Variants in WNK1 observed in about 807,000 individuals in gnomAD.
The protein encoded by WNK1 is serine/threonine-protein kinase WNK1.
Under a neutral mutation model 222.8 loss-of-function variants are expected in WNK1, and 38 were observed. That is an observed-to-expected ratio of 0.17 (90% confidence interval 0.13 to 0.22). The LOEUF (loss-of-function observed/expected upper bound fraction) is 0.22. Ranked by LOEUF, WNK1 falls within the 10% of genes least tolerant of loss-of-function variation. WNK1 has a pLI of 1.00. For missense variants in WNK1, 2,348 were observed against 2,918.4 expected, an observed-to-expected ratio of 0.80 and a Z score of 4.50; for synonymous variants, 1,090 against 1,092.9, an observed-to-expected ratio of 1.00 and a Z score of 0.05.
chr12:854,302 C>G (rs1950611046), intron 4 of WNK1, among the ~76,000 whole-genome samples: 1 of 148,836 alleles, frequency 6.7e-6, no homozygotes, highest in African/African-American at 2.5e-5. Flanking sequence ...CAGTAAGCCA[C>G]AATCCCACCA....
intron 1 of WNK1, among the ~76,000 whole-genome samples, chr12:773,258 CAAAAAA>C (rs911693561): frequency 1.4e-5 from 2 of 140,286 alleles, no homozygotes; most frequent in African/African-American, 5.2e-5. Flanking sequence ...AACTCCATCT[CAAAAAA>C]AAAAAAGTTC....
chr12:802,050 T>C (rs1439417511), intron 1 of WNK1, among the ~76,000 whole-genome samples: 2 of 151,954 alleles, frequency 1.3e-5, no homozygotes, highest in African/African-American at 4.8e-5. Context: ...AAAATTAGGG[T>C]GATGGGGAAG....
At chr12:837,189 G>A (rs1949251238) in intron 4 of WNK1, among the ~76,000 whole-genome samples, 1 of 152,230 alleles carries the variant, frequency 6.6e-6, no homozygotes, top group African/African-American at 2.4e-5. Context: ...GTGACATACA[G>A]AAACCAGATG....
chr12:833,066 C>T (rs950614165), intron 4 of WNK1, among the ~76,000 whole-genome samples: 1 of 150,928 alleles, frequency 6.6e-6, no homozygotes, highest in African/African-American at 2.4e-5. Context: ...GTAATTTCCT[C>T]CTTTATTTTG....
chr12:830,928 T>C (rs187172908), intron 4 of WNK1, among the ~76,000 whole-genome samples: 1 of 152,372 alleles, frequency 6.6e-6, no homozygotes, highest in Non-Finnish European at 1.5e-5. Flanking sequence ...TTTATTGTTG[T>C]AGTTCTTAAT....
At chr12:838,542 G>A (rs1293476885) in intron 4 of WNK1, among the ~76,000 whole-genome samples, 2 of 152,098 alleles carry the variant, frequency 1.3e-5, no homozygotes. Flanking sequence ...AGCCTCCTGA[G>A]TATCTGGGAC....
At position 771,287 on chromosome 12, in the gene WNK1, A is replaced by G. The variant is rs533792390; in HGVS notation, c.759+16963A>G. Among the ~76,000 whole-genome samples, 60 of 151,722 alleles carry G rather than the reference A, an allele frequency of 4.0e-4. 1 individual carries two copies. The highest frequency in any genetic ancestry group is 1.3e-3 in the African/African-American group (54 of 41,358). Reference sequence around the variant, plus strand: ...GCTGGGATGACAGGTGTGAGCTACTATGCCCGGCGCTTTATATTCTTTAGT... The same window carrying G: ...GCTGGGATGACAGGTGTGAGCTACTGTGCCCGGCGCTTTATATTCTTTAGT... On this transcript the variant is annotated intron_variant, in intron 1 of 27. Transcript: ENST00000315939.
At chr12:868,899 C>T (rs777957658) in intron 8 of WNK1, 3 of 1,603,468 alleles carry the variant, frequency 1.9e-6, no homozygotes, top group Non-Finnish European at 2.6e-6. Flanking sequence ...CAAATCACTT[C>T]TTCAGACCCC....
chr12:859,631 T>TGTGTGTGTGTGTG (rs111327474), intron 6 of WNK1, among the ~76,000 whole-genome samples, 167 bp downstream of exon 6: 1,968 of 80,924 alleles, frequency 0.024, 34 homozygotes, highest in East Asian at 0.066. Flanking sequence ...CGTGTGTGTG[T>TGTGTGTGTGTGTG]GTTTTTTTTT....
intron 10 of WNK1, 111 bp from the exon 11 acceptor site, chr12:879,454 TTTTGTTTG>T: frequency 1.4e-6 from 1 of 723,852 alleles, no homozygotes; most frequent in South Asian, 1.7e-5. Context: ...GTGTTTTTTT[TTTTGTTTG>T]TTTTTTCCTT....
chr12:799,079 T>A (rs944848717), intron 1 of WNK1, among the ~76,000 whole-genome samples: 1 of 152,118 alleles, frequency 6.6e-6, no homozygotes, highest in African/African-American at 2.4e-5. Context: ...TGCCTGATAT[T>A]TTAGGTTGAC....
At chr12:828,592 G>A (rs921543108) in intron 3 of WNK1, among the ~76,000 whole-genome samples, 5 of 152,050 alleles carry the variant, frequency 3.3e-5, no homozygotes, top group African/African-American at 1.2e-4. Flanking sequence ...CCTTCTAGTT[G>A]TTATAACCAA....
chr12:890,080 G>A (rs1592197131), intron 21 of WNK1, among the ~76,000 whole-genome samples: 1 of 151,292 alleles, frequency 6.6e-6, no homozygotes, highest in East Asian at 2.0e-4. Flanking sequence ...AGCCTCCCGA[G>A]TAGCTGGGAT....
intron 24 of WNK1, 127 bp from the exon 25 acceptor site, chr12:897,352 A>G (rs1454696623): frequency 2.7e-6 from 2 of 729,330 alleles, no homozygotes; most frequent in African/African-American, 1.7e-5. Flanking sequence ...TCGTGGTAGT[A>G]CATTTGGGGA....
intron 1 of WNK1, among the ~76,000 whole-genome samples, chr12:756,855 T>G (rs1940119819): frequency 6.6e-6 from 1 of 152,196 alleles, no homozygotes; most frequent in Non-Finnish European, 1.5e-5. Context: ...GAATATTGAG[T>G]TAAGTTGTTG....
intron 1 of WNK1, among the ~76,000 whole-genome samples, chr12:781,422 T>C (rs1192069481): frequency 1.4e-5 from 2 of 139,754 alleles, no homozygotes; most frequent in East Asian, 3.8e-4. Flanking sequence ...ATATAGTGGC[T>C]ATATGAATTT....
At chr12:774,420 G>A (rs1942882449) in intron 1 of WNK1, among the ~76,000 whole-genome samples, 1 of 152,156 alleles carries the variant, frequency 6.6e-6, no homozygotes, top group Non-Finnish European at 1.5e-5. Context: ...TCAGACAGAA[G>A]CCAGCTGAGG....
At chr12:858,317 G>A (rs1353622372) in intron 5 of WNK1, among the ~76,000 whole-genome samples, 1 of 151,852 alleles carries the variant, frequency 6.6e-6, no homozygotes, top group Non-Finnish European at 1.5e-5. Context: ...AGCCTCCTGA[G>A]TAGCTGGGAC....
intron 1 of WNK1, among the ~76,000 whole-genome samples, chr12:765,205 C>T (rs1451314358): frequency 6.8e-6 from 1 of 147,816 alleles, no homozygotes; most frequent in East Asian, 1.9e-4. Context: ...AGCCACATTT[C>T]AAGTGCTCAG....
Sources: gnomAD v4.1 joint callset for allele counts (sites outside exome capture counted in the v4.1 genomes callset) on GRCh38, gnomAD v4.1.1 for gene constraint, MANE v1.5 for transcripts, NCBI Gene and HGNC (gene_info 2026-07-23, HGNC 2026-07-21) for gene names.